FOXP2: variants seen among roughly 807,000 people sequenced by gnomAD.
The protein encoded by FOXP2 is forkhead box P2, also known as forkhead box protein P2.
Under a neutral mutation model 115.8 loss-of-function variants are expected in FOXP2, and 12 were observed. The ratio of observed to expected loss-of-function variants is 0.10; its 90% CI spans 0.07 to 0.17. The LOEUF (loss-of-function observed/expected upper bound fraction) is 0.17. FOXP2 is among the 10% of genes least tolerant of loss of function. The probability of loss-of-function intolerance (pLI) is 1.00; values close to 1 mark genes in which losing one functional copy is unlikely to be tolerated. For synonymous variants in FOXP2, 328 were observed against 297.7 expected (o/e 1.10, Z -1.05); for missense variants, 629 against 843.5 (o/e 0.75, Z 3.15).
At chr7:114,147,893 A>G (rs1792418701) in intron 1 of FOXP2, among the ~76,000 whole-genome samples, 1 of 152,142 alleles carries the variant, frequency 6.6e-6, no homozygotes, top group Admixed American at 6.6e-5. Context: ...AGCTGTTTAT[A>G]TGGTTGAGCC....
In FOXP2 at chr7:114,426,699, G is replaced by A; in HGVS notation, c.168+20G>A. On this transcript the variant is annotated intron_variant, in intron 2 of 16. Transcript: ENST00000350908. Reference sequence around the variant, plus strand: ...CAGCAGGTAAGTTTTGTTTTCCTCAGTGCTTCCTTAAAACAAATAAGCTTG... The same window carrying A: ...CAGCAGGTAAGTTTTGTTTTCCTCAATGCTTCCTTAAAACAAATAAGCTTG... 6.2e-7 allele frequency: 1 copy of A among 1,609,402 alleles called. No homozygotes were observed. The highest frequency in any genetic ancestry group is 8.5e-7 in the Non-Finnish European group (1 of 1,176,956).
At chr7:114,547,371 A>G (rs772291148) in intron 3 of FOXP2, among the ~76,000 whole-genome samples, 2 of 152,120 alleles carry the variant, frequency 1.3e-5, no homozygotes, top group Admixed American at 1.3e-4. Context: ...TCATTGCTCT[A>G]TATTAATCAT....
intron 2 of FOXP2, among the ~76,000 whole-genome samples, chr7:114,340,732 T>C (rs1791182882): frequency 1.3e-5 from 2 of 151,106 alleles, no homozygotes; most frequent in Non-Finnish European, 3.0e-5. Flanking sequence ...ATTTTGCAAT[T>C]AAAATATTAC....
At chr7:114,432,540 C>G (rs1008356796) in intron 2 of FOXP2, among the ~76,000 whole-genome samples, 1 of 151,874 alleles carries the variant, frequency 6.6e-6, no homozygotes, top group Non-Finnish European at 1.5e-5. Flanking sequence ...TAGAATTTAT[C>G]TTTAAATTAC....
intron 2 of FOXP2, among the ~76,000 whole-genome samples, chr7:114,320,144 A>G (rs886561658): frequency 6.6e-6 from 1 of 151,972 alleles, no homozygotes; most frequent in Non-Finnish European, 1.5e-5. Context: ...TGCTCCCTTT[A>G]TTTTCAGTTA....
chr7:114,127,719 A>T (rs998644314), intron 1 of FOXP2, among the ~76,000 whole-genome samples: 1 of 152,176 alleles, frequency 6.6e-6, no homozygotes, highest in South Asian at 2.1e-4. Context: ...TAAACTGCAT[A>T]GAGATCAGTA....
At chr7:114,681,543 A>G (rs897007300) in intron 16 of FOXP2, among the ~76,000 whole-genome samples, 1 of 152,198 alleles carries the variant, frequency 6.6e-6, no homozygotes, top group African/African-American at 2.4e-5. Context: ...GAGGCCTGTG[A>G]TGGATGACTG....
chr7:114,265,054 G>A (rs987029103), intron 1 of FOXP2, among the ~76,000 whole-genome samples: 6 of 151,970 alleles, frequency 3.9e-5, no homozygotes, highest in East Asian at 1.9e-4. Context: ...ATTTTGCCCC[G>A]GCCCCTCCCA....
intron 2 of FOXP2, among the ~76,000 whole-genome samples, chr7:114,439,178 T>C (rs1379272743): frequency 6.6e-6 from 1 of 152,192 alleles, no homozygotes; most frequent in Non-Finnish European, 1.5e-5. Context: ...GGAAATTTGT[T>C]TCTCTGGACC....
chr7:114,504,489 C>T (rs891154539), intron 2 of FOXP2, among the ~76,000 whole-genome samples: 4 of 151,194 alleles, frequency 2.6e-5, no homozygotes, highest in Admixed American at 6.6e-5. Flanking sequence ...TCCTTGGTGT[C>T]GACATTATAA....
intron 2 of FOXP2, among the ~76,000 whole-genome samples, chr7:114,492,819 G>A (rs1024602952): frequency 2.0e-5 from 3 of 152,066 alleles, no homozygotes; most frequent in African/African-American, 7.2e-5. Flanking sequence ...GCTGAGGAGT[G>A]CTTTACTTCC....
At chr7:114,230,152 A>G (rs1225322806) in intron 1 of FOXP2, among the ~76,000 whole-genome samples, 1 of 151,914 alleles carries the variant, frequency 6.6e-6, no homozygotes, top group African/African-American at 2.4e-5. Context: ...TTCTGGAACC[A>G]TACAGTGTAC....
chr7:114,292,211 G>T (rs908331485), intron 2 of FOXP2, among the ~76,000 whole-genome samples: 8 of 151,366 alleles, frequency 5.3e-5, no homozygotes, highest in African/African-American at 1.9e-4. Flanking sequence ...ATGAACTTGG[G>T]GGCCACTCTA....
intron 2 of FOXP2, among the ~76,000 whole-genome samples, chr7:114,334,612 C>T (rs1797795872): frequency 6.9e-6 from 1 of 145,640 alleles, no homozygotes; most frequent in African/African-American, 2.5e-5. Flanking sequence ...ATCCATGTCC[C>T]TTTACTGGAG....
At chr7:114,555,935 C>T (rs1381409822) in intron 3 of FOXP2, among the ~76,000 whole-genome samples, 1 of 152,100 alleles carries the variant, frequency 6.6e-6, no homozygotes, top group East Asian at 1.9e-4. Context: ...TCTTTATTCC[C>T]TTGTCTTCTA....
intron 1 of FOXP2, among the ~76,000 whole-genome samples, chr7:114,134,044 G>A (rs1211668326): frequency 6.6e-6 from 1 of 152,160 alleles, no homozygotes; most frequent in Admixed American, 6.5e-5. Context: ...GGTATGAGGA[G>A]AACTTGAGAA....
intron 1 of FOXP2, among the ~76,000 whole-genome samples, chr7:114,223,742 T>C (rs1204894736): frequency 6.6e-6 from 1 of 151,420 alleles, no homozygotes; most frequent in Non-Finnish European, 1.5e-5. Context: ...ACCGTATATG[T>C]TGAGATTACA....
chr7:114,475,674 T>C (rs1320557134), intron 2 of FOXP2, among the ~76,000 whole-genome samples: 3 of 151,994 alleles, frequency 2.0e-5, no homozygotes, highest in African/African-American at 7.2e-5. Flanking sequence ...TAGAGAAAAA[T>C]ATGACTATGC....
At chr7:114,225,747 C>T (rs905046331) in intron 1 of FOXP2, among the ~76,000 whole-genome samples, 4 of 152,082 alleles carry the variant, frequency 2.6e-5, no homozygotes, top group African/African-American at 9.7e-5. Flanking sequence ...GACACTGTAC[C>T]CAGTCTTTTC....
Sources: gnomAD v4.1 joint callset for allele counts (sites outside exome capture counted in the v4.1 genomes callset) on GRCh38, gnomAD v4.1.1 for gene constraint, MANE v1.5 for transcripts, NCBI Gene and HGNC (gene_info 2026-07-23, HGNC 2026-07-21) for gene names.